The following ARL14EP variants were observed in gnomAD, a reference collection of about 807,000 sequenced individuals.
The protein encoded by ARL14EP is ARL14 effector protein.
In ARL14EP, 12 loss-of-function variants were observed where a neutral mutation model predicts 23.1. The ratio of observed to expected loss-of-function variants is 0.52; its 90% CI spans 0.33 to 0.84. ARL14EP has a LOEUF of 0.84. Among genes scored for constraint, ARL14EP ranks in the 40% least tolerant of loss-of-function variants. ARL14EP has a pLI of 0.02. For synonymous variants in ARL14EP, 97 were observed against 102.0 expected, an observed-to-expected ratio of 0.95 and a Z score of 0.29; for missense variants, 253 against 307.3, an observed-to-expected ratio of 0.82 and a Z score of 1.32.
In ARL14EP at chr11:30,337,441, A is replaced by T. The variant is rs1947342644; in HGVS notation, c.*646A>T. 6.6e-6 allele frequency: 1 copy of T among 152,430 alleles called. No homozygotes were observed. The highest frequency in any genetic ancestry group is 1.9e-4 in the East Asian group (1 of 5,204). 9.4% of individuals were successfully genotyped at this position (152,430 alleles called of 1,614,324 possible). ...GTCAACAAAGATGAAAGTGCAGCAA[A>T]GCAATGAAAAATGATAACACTGGAA... On this transcript the variant is annotated 3_prime_UTR_variant, in exon 4 of 4. Coordinates refer to ENST00000282032, the MANE Select transcript of ARL14EP (RefSeq NM_152316.3).
chr11:30,331,187 A>T lies in ARL14EP; in HGVS notation c.239A>T (p.Asn80Ile). Residue 80 changes from asparagine (N) to isoleucine (I), a missense_variant, in exon 2 of 4, where the codon AAC (asparagine) becomes ATC (isoleucine). Asn to Ile is a moderately radical substitution (Grantham distance 149). Coordinates refer to ENST00000282032, the MANE Select transcript of ARL14EP (RefSeq NM_152316.3). ...DLQKSCCDPF[N>I]IHKKLAKKNL... Reference sequence around the variant, plus strand: ...CAGAAGTCATGTTGTGACCCATTTAACATACACAAGAAATTAGCCAAAAAA... The same window carrying T: ...CAGAAGTCATGTTGTGACCCATTTATCATACACAAGAAATTAGCCAAAAAA... 4.3e-6 allele frequency: 7 copies of T among 1,613,906 alleles called. No homozygotes were observed. The highest frequency in any genetic ancestry group is 5.9e-6 in the Non-Finnish European group (7 of 1,179,828).
rs768218235 is a variant in ARL14EP, at chr11:30,330,987, T to C, written c.39T>C (p.Thr13=). Residue 13 remains threonine, a synonymous_variant, in exon 2 of 4, where the codon ACT becomes ACC. Transcript: ENST00000282032. Reference sequence around the variant, plus strand: ...GTTCAGTTGGAGTCCAGCTTCGTACTACAAATGAGTGCCATAAAACCTACT... The same window carrying C: ...GTTCAGTTGGAGTCCAGCTTCGTACCACAAATGAGTGCCATAAAACCTACT... The part of the protein sequence containing the change: ...DPCSVGVQLR[T]TNECHKTYYT... The C allele has an allele frequency of 4.3e-6, 7 of 1,613,888 alleles. No individual in the cohort carries two copies. The highest frequency in any genetic ancestry group is 5.9e-6 in the Non-Finnish European group (7 of 1,179,788).
chr11:30,333,062 C>T, intron 3 of ARL14EP, 69 bp downstream of exon 3: 1 of 1,585,658 alleles, frequency 6.3e-7, no homozygotes, highest in South Asian at 1.1e-5. Flanking sequence ...CTATTTTTCT[C>T]TTAAATTTTG....
At chr11:30,333,074 A>G (rs753101149) in intron 3 of ARL14EP, 81 bp downstream of exon 3, 51 of 1,555,186 alleles carry the variant, frequency 3.3e-5, no homozygotes, top group Non-Finnish European at 4.0e-5. Context: ...TAAATTTTGA[A>G]TTTTCTGGGT....
intron 3 of ARL14EP, 56 bp from the exon 4 acceptor site, chr11:30,336,508 TCAA>T: frequency 5.7e-6 from 8 of 1,415,686 alleles, no homozygotes; most frequent in Admixed American, 1.9e-5. Flanking sequence ...TACTGTATTT[TCAA>T]TTAAATCAAA....
In ARL14EP at chr11:30,323,139, T is replaced by G. The variant is rs533940181; in HGVS notation, c.-127T>G. ...CGGGGACTGGCTGGGAAGCGGTCGG[T>G]CGAGTGTGGCCTGTGTGGACTCGCA... On this transcript the variant is annotated 5_prime_UTR_variant, in exon 1 of 4. Transcript: ENST00000282032. 2 of 152,664 alleles carry G rather than the reference T, an allele frequency of 1.3e-5. No homozygotes were observed. The highest frequency in any genetic ancestry group is 2.9e-5 in the Non-Finnish European group (2 of 68,408). 9.5% of individuals were successfully genotyped at this position (152,664 alleles called of 1,614,324 possible).
chr11:30,336,497 T>G (rs1947333242), intron 3 of ARL14EP, 70 bp from the exon 4 acceptor site: 1 of 1,323,666 alleles, frequency 7.6e-7, no homozygotes, highest in South Asian at 1.3e-5. Context: ...TTTTTTTTTT[T>G]TACTGTATTT....
At chr11:30,324,233 A>G (rs1947219307) in intron 1 of ARL14EP, among the ~76,000 whole-genome samples, 1 of 152,182 alleles carries the variant, frequency 6.6e-6, no homozygotes. Flanking sequence ...GTAAGACCCT[A>G]TGCCAAGAAA....
At chr11:30,326,750 A>G (rs1013419676) in intron 1 of ARL14EP, among the ~76,000 whole-genome samples, 2 of 152,170 alleles carry the variant, frequency 1.3e-5, no homozygotes, top group African/African-American at 4.8e-5. Context: ...TATGTGAACA[A>G]ACTGCCTAAT....
At chr11:30,325,211 C>T (rs769985342) in intron 1 of ARL14EP, among the ~76,000 whole-genome samples, 3 of 152,126 alleles carry the variant, frequency 2.0e-5, no homozygotes, top group African/African-American at 4.8e-5. Context: ...TTGGCTCTGG[C>T]TGAGAGTTGG....
intron 1 of ARL14EP, chr11:30,328,956 T>G (rs1947262461): frequency 6.7e-6 from 1 of 149,430 alleles, no homozygotes; most frequent in Non-Finnish European, 1.5e-5. Context: ...AGAATCCAAC[T>G]TTTTTTTTTA....
At chr11:30,334,208 C>CTTTTTTT (rs36111177) in intron 3 of ARL14EP, among the ~76,000 whole-genome samples, 1,744 of 85,768 alleles carry the variant, frequency 0.02, 151 homozygotes, top group Non-Finnish European at 0.028. Context: ...GACCAGCCTT[C>CTTTTTTT]TTTTTTTTTT....
intron 1 of ARL14EP, chr11:30,329,490 G>T (rs530952687): frequency 6.6e-6 from 1 of 152,298 alleles, no homozygotes; most frequent in African/African-American, 2.4e-5. Flanking sequence ...CAAGGTGTAT[G>T]CTTCCTCAGT....
intron 1 of ARL14EP, chr11:30,328,054 C>T (rs959292540): frequency 6.6e-6 from 1 of 151,916 alleles, no homozygotes; most frequent in East Asian, 1.9e-4. Context: ...CCACATAGTT[C>T]GTTGCCTTGT....
In ARL14EP at chr11:30,323,374, C is replaced by T. The variant is rs1000306076; in HGVS notation, c.-64+172C>T. 5.0e-4 allele frequency among the ~76,000 whole-genome samples: 76 copies of T among 152,182 alleles called. 2 individuals are homozygous for T. The highest frequency in any genetic ancestry group is 1.6e-4 in the Non-Finnish European group (11 of 68,026). ...TGGCCGGGGCCTCTCACCCCTACCC[C>T]CGCGTAGTTCATCTGCGACGCAACG... On this transcript the variant is annotated intron_variant, in intron 1 of 3. Transcript: ENST00000282032.
chr11:30,330,562 T>C, intron 1 of ARL14EP: 1 of 180,964 alleles, frequency 5.5e-6, no homozygotes. Flanking sequence ...GTTTCTAGCA[T>C]CCCTGGTGAA....
At position 30,328,985 on chromosome 11, in the gene ARL14EP, T is replaced by A. The variant is rs535236139; in HGVS notation, c.-63-1901T>A. ...TTTTTTAATTTGCTTTGAAAATTAT[T>A]TATGAAAAATTTCAAATAGAAAGTA... On this transcript the variant is annotated intron_variant, in intron 1 of 3. Transcript: ENST00000282032. 8 of 152,266 alleles carry A rather than the reference T, an allele frequency of 5.3e-5. No homozygotes were observed. The East Asian group carries it at 1.3e-3, about 26-fold the overall frequency. The allele number at this position is 152,266 out of a possible 1,614,324, so 9.4% of individuals were successfully genotyped here. A position where few individuals can be genotyped will look rare whatever the true frequency, so the allele number is the denominator to read the frequency against.
chr11:30,331,060 G>T lies in ARL14EP; in HGVS notation c.112G>T (p.Asp38Tyr), dbSNP rs1565008918. Reference protein sequence around the residue: ...FKTLQELSSNDMLLLQLRTGM... With the variant: ...FKTLQELSSNYMLLLQLRTGM... ...GACTTTGCAAGAATTGTCATCAAAT[G>T]ATATGCTTTTACTTCAACTTAGAAC... The change falls in exon 2 of 4, where the codon GAT becomes TAT. Residue 38 changes from aspartate to tyrosine, a missense_variant. Asp to Tyr is a radical substitution (Grantham distance 160, BLOSUM62 -3). Transcript: ENST00000282032. The T allele has an allele frequency of 6.2e-7, 1 of 1,613,852 alleles. No homozygotes were observed. Among genetic ancestry groups the T allele is most frequent in the Non-Finnish European group, 8.5e-7 (1 of 1,179,822 alleles).
intron 3 of ARL14EP, among the ~76,000 whole-genome samples, chr11:30,335,462 C>A (rs751492905): frequency 1.1e-4 from 16 of 152,190 alleles, no homozygotes; most frequent in Non-Finnish European, 2.2e-4. Context: ...ACAGAGAAAT[C>A]TTTTGTAAGA....
Sources: allele counts gnomAD v4.1 joint callset (sites outside exome capture counted in the v4.1 genomes callset), GRCh38; gene constraint gnomAD v4.1.1; transcripts MANE v1.5; gene names NCBI Gene and HGNC (gene_info 2026-07-23, HGNC 2026-07-21).